Variants in SPACA7 observed in about 807,000 individuals in gnomAD.
The protein encoded by SPACA7 is sperm acrosome-associated protein 7.
In SPACA7, 19 loss-of-function variants were observed where a neutral mutation model predicts 26.3. The ratio of observed to expected loss-of-function variants is 0.72; its 90% CI spans 0.50 to 1.06. The LOEUF (loss-of-function observed/expected upper bound fraction) is 1.06, where lower values mean the gene tolerates loss of function less well. Among genes scored for constraint, SPACA7 ranks in the 50% least tolerant of loss-of-function variants. The pLI is 0.00. For synonymous variants in SPACA7, 84 were observed against 84.5 expected, an observed-to-expected ratio of 0.99 and a Z score of 0.04; for missense variants, 211 against 229.9, an observed-to-expected ratio of 0.92 and a Z score of 0.53.
chr13:112,391,957 C>T (rs753555581), intron 1 of SPACA7, among the ~76,000 whole-genome samples: 5 of 152,254 alleles, frequency 3.3e-5, no homozygotes, highest in East Asian at 1.9e-4. Context: ...TGTGCGCAGA[C>T]GAGTCGATTG....
chr13:112,381,298 T>C (rs1332421471), intron 1 of SPACA7, among the ~76,000 whole-genome samples: 2 of 152,004 alleles, frequency 1.3e-5, no homozygotes, highest in Non-Finnish European at 2.9e-5. Context: ...AAAACCAGCC[T>C]GGGAAATATG....
intron 3 of SPACA7, among the ~76,000 whole-genome samples, chr13:112,398,665 T>C (rs539552675): frequency 6.6e-6 from 1 of 152,140 alleles, no homozygotes; most frequent in Non-Finnish European, 1.5e-5. Context: ...CAAAGACATA[T>C]GCAAGGAAAT....
At chr13:112,420,841 A>T (rs998165021) in intron 5 of SPACA7, among the ~76,000 whole-genome samples, 35 of 152,144 alleles carry the variant, frequency 2.3e-4, no homozygotes, top group Non-Finnish European at 5.9e-5. Flanking sequence ...GAAAAGAAAC[A>T]CTTTACATAG....
At chr13:112,399,794 A>G (rs776160525) in intron 4 of SPACA7, among the ~76,000 whole-genome samples, 26 of 152,214 alleles carry the variant, frequency 1.7e-4, no homozygotes, top group Non-Finnish European at 3.2e-4. Flanking sequence ...AAGAGGTTTA[A>G]TTTGTTCATG....
At chr13:112,430,172 CTCTGTGTGTG>C (rs979775471) in intron 5 of SPACA7, among the ~76,000 whole-genome samples, 13 of 122,774 alleles carry the variant, frequency 1.1e-4, no homozygotes, top group Admixed American at 5.0e-4. Context: ...GCATCTCTCT[CTCTGTGTGTG>C]TGTGTGTGTG....
chr13:112,392,174 C>T (rs757860878), intron 1 of SPACA7, among the ~76,000 whole-genome samples: 6 of 152,218 alleles, frequency 3.9e-5, no homozygotes, highest in South Asian at 2.1e-4. Flanking sequence ...GACGCTGAGA[C>T]GCCACACCTC....
intron 1 of SPACA7, among the ~76,000 whole-genome samples, chr13:112,385,879 G>T (rs1301164836): frequency 1.3e-5 from 2 of 152,134 alleles, no homozygotes; most frequent in African/African-American, 4.8e-5. Flanking sequence ...ACAGACAAAA[G>T]ATTCAGCACT....
chr13:112,376,594 C>T (rs1238031524), intron 1 of SPACA7, 115 bp downstream of exon 1: 12 of 1,130,428 alleles, frequency 1.1e-5, no homozygotes, highest in Non-Finnish European at 1.4e-5. Flanking sequence ...ACCATTTATT[C>T]CTTGGGGAAT....
chr13:112,415,790 A>G (rs539039063), intron 5 of SPACA7, among the ~76,000 whole-genome samples: 3 of 152,206 alleles, frequency 2.0e-5, no homozygotes, highest in South Asian at 4.1e-4. Flanking sequence ...TTTGGGACCT[A>G]TGGCCACTTT....
chr13:112,376,753 A>G (rs1476673384), intron 1 of SPACA7, among the ~76,000 whole-genome samples: 2 of 152,052 alleles, frequency 1.3e-5, no homozygotes, highest in East Asian at 3.9e-4. Context: ...ATTCACCCTC[A>G]GGTTCAATTA....
intron 5 of SPACA7, among the ~76,000 whole-genome samples, chr13:112,409,378 A>G (rs1335705514): frequency 6.6e-6 from 1 of 152,234 alleles, no homozygotes; most frequent in Admixed American, 6.5e-5. Context: ...ATCTAATTAA[A>G]CTAAAGAGCT....
rs370658035 is a variant in SPACA7 at position 112,385,620 on chromosome 13, G to C, written c.95-7401G>C. The stretch of plus-strand genomic sequence containing the variant: ...TTTTTAAAAGTCAAGGAAATAGTTT[G>C]ACCTTAAAACATTTAGCAAATCTGA... On this transcript the variant is annotated intron_variant, in intron 1 of 6. Coordinates refer to ENST00000283550, the MANE Select transcript of SPACA7 (RefSeq NM_145248.5). 2.6e-5 allele frequency among the ~76,000 whole-genome samples: 4 copies of C among 152,226 alleles called. No homozygotes were observed. The East Asian group carries it at 5.8e-4, about 22-fold the overall frequency.
chr13:112,382,452 G>A lies in SPACA7; in HGVS notation c.94+5973G>A, dbSNP rs1017428816. 2.6e-6 allele frequency: 4 copies of A among 1,550,158 alleles called. No homozygotes were observed. The African/African-American group carries it at 5.5e-5, about 21-fold the overall frequency. ...GTGAAGATGGGAAAAGGCTGTCAAT[G>A]CTCTGGCTTCTTCCCACTGACAGGG... On this transcript the variant is annotated intron_variant, in intron 1 of 6. Transcript: ENST00000283550.
chr13:112,429,795 T>C (rs143815730), intron 5 of SPACA7, among the ~76,000 whole-genome samples: 118 of 152,358 alleles, frequency 7.7e-4, no homozygotes, highest in African/African-American at 2.8e-3. Context: ...TACTTCATTA[T>C]GTGTTAGATA....
At position 112,430,174 on chromosome 13, in the gene SPACA7, C is replaced by CTGTGTGTGTGTGTGTGTGTGTGTG. The variant is rs61438595; in HGVS notation, c.446-2258_446-2235dup. 5.2e-5 allele frequency among the ~76,000 whole-genome samples: 7 copies of CTGTGTGTGTGTGTGTGTGTGTGTG among 134,314 alleles called. No individual in the cohort carries two copies. In the East Asian group the frequency reaches 1.1e-3, roughly 20 times the overall value. 88.1% of individuals were successfully genotyped at this position (134,314 alleles called of 152,430 possible). A position where few individuals can be genotyped will look rare whatever the true frequency, so the allele number is the denominator to read the frequency against. The stretch of plus-strand genomic sequence containing the variant: ...CAAGGCATCCCTTGCATCTCTCTCT[C>CTGTGTGTGTGTGTGTGTGTGTGTG]TGTGTGTGTGTGTGTGTGTGTGTGT... On this transcript the variant is annotated intron_variant, in intron 5 of 6. Transcript: ENST00000283550.
At chr13:112,432,309 C>T in intron 5 of SPACA7, 135 bp from the exon 6 acceptor site, 1 of 628,904 alleles carries the variant, frequency 1.6e-6, no homozygotes, top group East Asian at 2.6e-5. Context: ...GAAGCTGCAG[C>T]ACCTCACCCC....
rs1245968668 is a variant in SPACA7, at chr13:112,376,385, C to A, written c.-1C>A. On this transcript the variant is annotated 5_prime_UTR_variant, in exon 1 of 7. Transcript: ENST00000283550. ...GTCCTTCTCCCTCAGCTGGAGGGAG[C>A]ATGGCAGTGAGCCAAGGAGACGGGA... 1 of 1,613,016 alleles carries A rather than the reference C, an allele frequency of 6.2e-7. No individual in the cohort carries two copies. The highest frequency in any genetic ancestry group is 1.1e-5 in the South Asian group (1 of 90,718).
At chr13:112,425,157 C>T (rs771032726) in intron 5 of SPACA7, among the ~76,000 whole-genome samples, 2 of 152,160 alleles carry the variant, frequency 1.3e-5, no homozygotes, top group Non-Finnish European at 2.9e-5. Flanking sequence ...GCCACAGTGG[C>T]GTGGGCGCCC....
intron 5 of SPACA7, among the ~76,000 whole-genome samples, chr13:112,414,191 G>A (rs1432011790): frequency 6.6e-6 from 1 of 152,004 alleles, no homozygotes; most frequent in Admixed American, 6.6e-5. Context: ...ATTTGGAAGG[G>A]ACAAACATTC....
Sources: gnomAD v4.1 joint callset for allele counts (sites outside exome capture counted in the v4.1 genomes callset) on GRCh38, gnomAD v4.1.1 for gene constraint, MANE v1.5 for transcripts, NCBI Gene and HGNC (gene_info 2026-07-23, HGNC 2026-07-21) for gene names.